Variants in TENM3 observed in about 807,000 individuals in gnomAD.
TENM3 encodes teneurin-3.
Under a neutral mutation model 255.1 loss-of-function variants are expected in TENM3, and 63 were observed. The ratio of observed to expected loss-of-function variants is 0.25; its 90% CI spans 0.20 to 0.30. The LOEUF (loss-of-function observed/expected upper bound fraction) is 0.30. TENM3 is among the 10% of genes least tolerant of loss of function. The probability of loss-of-function intolerance (pLI) is 1.00; values close to 1 mark genes in which losing one functional copy is unlikely to be tolerated. For synonymous variants in TENM3, 1,306 were observed against 1,322.3 expected (o/e 0.99, Z 0.27); for missense variants, 2,929 against 3,461.1 (o/e 0.85, Z 3.86).
At chr4:181,635,575 A>G in the TENM3 span, among the ~76,000 whole-genome samples, 4 of 152,182 alleles carry the variant, frequency 2.6e-5, no homozygotes, top group African/African-American at 4.8e-5. Context: ...GATCTCTTCC[A>G]TAAGACAGTG....
At chr4:182,595,619 G>A (rs1747131780) in intron 3 of TENM3, among the ~76,000 whole-genome samples, 1 of 152,050 alleles carries the variant, frequency 6.6e-6, no homozygotes, top group African/African-American at 2.4e-5. Flanking sequence ...TATGAGCAGT[G>A]GGACCTTGAT....
At chr4:182,010,966 A>G in the TENM3 span, among the ~76,000 whole-genome samples, 2 of 152,260 alleles carry the variant, frequency 1.3e-5, no homozygotes, top group South Asian at 4.1e-4. Context: ...ATTTCCCTCT[A>G]GCTTCTCAGT....
chr4:182,686,414 T>C (rs1756576801), intron 11 of TENM3, among the ~76,000 whole-genome samples: 1 of 152,044 alleles, frequency 6.6e-6, no homozygotes, highest in African/African-American at 2.4e-5. Flanking sequence ...TAATTTACAT[T>C]TGTGGCTTAA....
At chr4:181,551,838 ATGTGTGTGTGTGTGTGTGTG>A in the TENM3 span, among the ~76,000 whole-genome samples, 20,696 of 138,954 alleles carry the variant, frequency 0.15, 1,768 homozygotes, top group Middle Eastern at 0.25. Flanking sequence ...ATATATGTAT[ATGTGTGTGTGTGTGTGTGTG>A]TGTGTGTGTG....
intron 3 of TENM3, among the ~76,000 whole-genome samples, chr4:182,572,507 G>A (rs1462871907): frequency 6.6e-6 from 1 of 152,188 alleles, no homozygotes; most frequent in East Asian, 1.9e-4. Context: ...AGTACATTAA[G>A]AAATGCAGTA....
chr4:181,975,717 G>A, the TENM3 span: 2 of 152,352 alleles, frequency 1.3e-5, no homozygotes, highest in African/African-American at 4.8e-5. Flanking sequence ...TGGTAGCAGA[G>A]GAGGGGGTGA....
intron 3 of TENM3, among the ~76,000 whole-genome samples, chr4:182,531,697 G>A (rs1320362980): frequency 6.6e-6 from 1 of 152,142 alleles, no homozygotes; most frequent in African/African-American, 2.4e-5. Flanking sequence ...CTGTGGCAGT[G>A]AGTTATGACA....
At chr4:182,278,518 C>G (rs1046049192) in intron 1 of TENM3, among the ~76,000 whole-genome samples, 1 of 152,016 alleles carries the variant, frequency 6.6e-6, no homozygotes, top group Non-Finnish European at 1.5e-5. Flanking sequence ...CCATAATAAA[C>G]CCCAATCAAC....
chr4:181,766,696 T>C, the TENM3 span, among the ~76,000 whole-genome samples: 2 of 150,890 alleles, frequency 1.3e-5, no homozygotes, highest in Non-Finnish European at 2.9e-5. Flanking sequence ...ACAAACACTG[T>C]ACCAACAGAA....
At chr4:182,542,518 T>G (rs1464127106) in intron 3 of TENM3, among the ~76,000 whole-genome samples, 2 of 152,180 alleles carry the variant, frequency 1.3e-5, no homozygotes, top group Non-Finnish European at 2.9e-5. Context: ...GCAGGTTTCT[T>G]TGTGTCACTT....
intron 6 of TENM3, among the ~76,000 whole-genome samples, chr4:182,668,130 G>A (rs1754877919): frequency 6.6e-6 from 1 of 152,004 alleles, no homozygotes. Flanking sequence ...GCCCTTAATG[G>A]AACTATGTTA....
At chr4:182,746,224 C>T (rs1003245345) in intron 19 of TENM3, among the ~76,000 whole-genome samples, 1 of 152,116 alleles carries the variant, frequency 6.6e-6, no homozygotes, top group South Asian at 2.1e-4. Context: ...TACCCGTGGT[C>T]CGTGGTTTCA....
the TENM3 span, among the ~76,000 whole-genome samples, chr4:182,104,107 T>A: frequency 6.6e-6 from 1 of 152,120 alleles, no homozygotes; most frequent in East Asian, 1.9e-4. Context: ...TACGGTGGTG[T>A]AAACACTCAC....
chr4:181,496,179 A>G, the TENM3 span, among the ~76,000 whole-genome samples: 1 of 152,126 alleles, frequency 6.6e-6, no homozygotes, highest in African/African-American at 2.4e-5. Context: ...GCCCAAGGAA[A>G]AAATAACAGA....
At chr4:181,897,142 G>A in the TENM3 span, among the ~76,000 whole-genome samples, 1 of 152,198 alleles carries the variant, frequency 6.6e-6, no homozygotes, top group African/African-American at 2.4e-5. Context: ...CAGCTCCAAA[G>A]CTGGCTATTT....
the TENM3 span, among the ~76,000 whole-genome samples, chr4:181,478,404 C>T: frequency 6.6e-6 from 1 of 152,154 alleles, no homozygotes; most frequent in Non-Finnish European, 1.5e-5. Flanking sequence ...GCTGCTACTC[C>T]TTGCTGCCTA....
intron 3 of TENM3, among the ~76,000 whole-genome samples, chr4:182,360,934 T>C (rs1489343369): frequency 4.6e-5 from 7 of 152,144 alleles, no homozygotes; most frequent in East Asian, 1.9e-4. Flanking sequence ...CAAAATCTCT[T>C]AGCATTTGCT....
chr4:182,597,292 T>G lies in TENM3; in HGVS notation c.512-3632T>G, dbSNP rs190399087. ...GGCGTGGTGGCACATGCCTGTAGTT[T>G]CAGCTACTTGAGAGGCTGAGGCAGG... On this transcript the variant is annotated intron_variant, in intron 3 of 27. Transcript: ENST00000511685. Among the ~76,000 whole-genome samples the G allele has an allele frequency of 5.5e-4, 83 of 152,152 alleles. 1 individual carries two copies. The highest frequency in any genetic ancestry group is 2.0e-3 in the African/African-American group (82 of 41,518).
intron 13 of TENM3, among the ~76,000 whole-genome samples, chr4:182,717,983 C>T (rs991357265): frequency 5.9e-5 from 9 of 152,054 alleles, no homozygotes; most frequent in Admixed American, 3.9e-4. Flanking sequence ...CCACAGTCTT[C>T]GGTTCCTCAA....
Sources: allele counts gnomAD v4.1 joint callset (sites outside exome capture counted in the v4.1 genomes callset), GRCh38; gene constraint gnomAD v4.1.1; transcripts MANE v1.5; gene names NCBI Gene and HGNC (gene_info 2026-07-23, HGNC 2026-07-21).